MYOF: variants seen among roughly 807,000 people sequenced by gnomAD.
MYOF encodes myoferlin.
MYOF carries 244 observed loss-of-function variants against 284.2 expected under a neutral mutation model. That is an observed-to-expected ratio of 0.86 (90% confidence interval 0.77 to 0.95). The LOEUF is 0.95. MYOF is among the 40% of genes least tolerant of loss of function. The pLI, the probability that MYOF is intolerant of heterozygous loss-of-function variation, is 0.00. For synonymous variants in MYOF, 904 were observed against 919.7 expected (o/e 0.98, Z 0.31); for missense variants, 2,496 against 2,560.6 (o/e 0.97, Z 0.54).
At chr10:93,466,545 C>T (rs1405236627) in intron 1 of MYOF, among the ~76,000 whole-genome samples, 1 of 152,176 alleles carries the variant, frequency 6.6e-6, no homozygotes, top group Non-Finnish European at 1.5e-5. Flanking sequence ...AAAGCTGATG[C>T]TGGGGCGTGG....
intron 16 of MYOF, among the ~76,000 whole-genome samples, chr10:93,393,160 C>T (rs914221059): frequency 6.6e-6 from 1 of 152,168 alleles, no homozygotes; most frequent in Non-Finnish European, 1.5e-5. Flanking sequence ...GCAGAACCAC[C>T]ACACATGAAT....
chr10:93,361,413 C>T (rs749078159), intron 28 of MYOF, 39 bp downstream of exon 28: 1 of 1,593,594 alleles, frequency 6.3e-7, no homozygotes, highest in Non-Finnish European at 8.6e-7. Context: ...CAAGGCCCTG[C>T]TGCAGAGCCC....
chr10:93,356,185 T>G (rs1341965649), intron 30 of MYOF, among the ~76,000 whole-genome samples: 1 of 152,198 alleles, frequency 6.6e-6, no homozygotes, highest in Non-Finnish European at 1.5e-5. Context: ...CTCCTATTCC[T>G]TCCTTCCACC....
At chr10:93,420,367 T>C (rs889611656) in intron 5 of MYOF, among the ~76,000 whole-genome samples, 9 of 152,206 alleles carry the variant, frequency 5.9e-5, no homozygotes, top group Admixed American at 5.9e-4. Context: ...AGGTCAAGCC[T>C]GGAGACTGGG....
At chr10:93,333,728 CAGGAGA>C in intron 42 of MYOF, 24 bp downstream of exon 42, 1 of 1,608,158 alleles carries the variant, frequency 6.2e-7, no homozygotes, top group Non-Finnish European at 8.5e-7. Flanking sequence ...TATCTTGCTA[CAGGAGA>C]AGGCCCCACA....
At chr10:93,317,051 T>TATCA (rs1269822499) in intron 49 of MYOF, among the ~76,000 whole-genome samples, 1 of 150,890 alleles carries the variant, frequency 6.6e-6, no homozygotes, top group East Asian at 1.9e-4. Flanking sequence ...GCCATGTCCC[T>TATCA]ATCAGTGTGA....
intron 46 of MYOF, among the ~76,000 whole-genome samples, chr10:93,324,005 G>T (rs1842942415): frequency 1.3e-5 from 2 of 152,200 alleles, no homozygotes; most frequent in Admixed American, 6.5e-5. Context: ...CCTGGCCATT[G>T]GTTCATTAGT....
At chr10:93,452,192 G>A in intron 2 of MYOF, 51 bp from the exon 3 acceptor site, 1 of 1,234,786 alleles carries the variant, frequency 8.1e-7, no homozygotes, top group South Asian at 1.3e-5. Context: ...CTGTTAGAAG[G>A]AGCAGAGATT....
chr10:93,325,240 T>C (rs1262965115), intron 46 of MYOF, among the ~76,000 whole-genome samples: 1 of 152,230 alleles, frequency 6.6e-6, no homozygotes, highest in Admixed American at 6.5e-5. Flanking sequence ...TCAGTGGCCA[T>C]GTCTTGCTTT....
intron 4 of MYOF, among the ~76,000 whole-genome samples, chr10:93,428,746 A>G (rs562100541): frequency 2.9e-3 from 445 of 152,328 alleles, no homozygotes; most frequent in Non-Finnish European, 4.6e-3. Flanking sequence ...ACAGTTTCAC[A>G]GCACACAAAG....
At chr10:93,431,351 G>A (rs1848858056) in intron 4 of MYOF, 57 bp downstream of exon 4, 2 of 1,493,046 alleles carry the variant, frequency 1.3e-6, no homozygotes, top group East Asian at 2.3e-5. Context: ...TTTTCTTAAT[G>A]AAATTTTGCT....
At chr10:93,407,540 C>G (rs1847666035) in intron 7 of MYOF, among the ~76,000 whole-genome samples, 1 of 147,616 alleles carries the variant, frequency 6.8e-6, no homozygotes, top group Non-Finnish European at 1.5e-5. Flanking sequence ...ACCATCCTGG[C>G]CAACATGGTG....
At chr10:93,413,909 T>A (rs1848009320) in intron 5 of MYOF, among the ~76,000 whole-genome samples, 2 of 151,910 alleles carry the variant, frequency 1.3e-5, no homozygotes, top group Admixed American at 1.3e-4. Flanking sequence ...GGGAGGACCA[T>A]CTGAGCCCAG....
At chr10:93,446,597 G>C (rs1247756903) in intron 3 of MYOF, among the ~76,000 whole-genome samples, 3 of 152,056 alleles carry the variant, frequency 2.0e-5, no homozygotes. Flanking sequence ...CAAATGTCAG[G>C]GGGATGGAAG....
At chr10:93,335,193 G>A (rs1843537519) in intron 41 of MYOF, among the ~76,000 whole-genome samples, 1 of 152,122 alleles carries the variant, frequency 6.6e-6, no homozygotes, top group South Asian at 2.1e-4. Flanking sequence ...CAGGTAGAAA[G>A]GGCACCCAGG....
Position 93,404,093 on chromosome 10 carries a change from T to G in MYOF, c.793-20A>C. 6.2e-7 allele frequency: 1 copy of G among 1,614,092 alleles called. No homozygotes were observed. Among genetic ancestry groups the G allele is most frequent in the Non-Finnish European group, 8.5e-7 (1 of 1,179,958 alleles). ...ATAAACCTGGAAGAAAGAAGAGTAG[T>G]GAAGAAATGATTGGCTTTGCCTGGC... On this transcript the variant is annotated intron_variant, in intron 8 of 53. Coordinates refer to ENST00000359263, the MANE Select transcript of MYOF (RefSeq NM_013451.4).
At chr10:93,351,903 A>G in intron 32 of MYOF, 57 bp from the exon 33 acceptor site, 1 of 1,447,938 alleles carries the variant, frequency 6.9e-7, no homozygotes, top group Non-Finnish European at 9.3e-7. Context: ...ACTCCCCAGA[A>G]CCACTCAGTG....
chr10:93,324,477 G>A (rs891241352), intron 46 of MYOF: 7 of 152,244 alleles, frequency 4.6e-5, no homozygotes, highest in Non-Finnish European at 4.4e-5. Context: ...CACAGTCTGT[G>A]GCTAATGCTG....
At chr10:93,372,438 T>C (rs1213095642) in intron 24 of MYOF, among the ~76,000 whole-genome samples, 1 of 152,076 alleles carries the variant, frequency 6.6e-6, no homozygotes, top group Admixed American at 6.6e-5. Context: ...CTTAAGAGAG[T>C]CTATGACTCT....
Sources: gnomAD v4.1 joint callset for allele counts (sites outside exome capture counted in the v4.1 genomes callset) on GRCh38, gnomAD v4.1.1 for gene constraint, MANE v1.5 for transcripts, NCBI Gene and HGNC (gene_info 2026-07-23, HGNC 2026-07-21) for gene names.